The following LRRC53 variants were observed in gnomAD, a reference collection of about 807,000 sequenced individuals.
The protein encoded by LRRC53 is leucine-rich repeat-containing protein 53.
A neutral mutation model predicts 13.6 loss-of-function variants in LRRC53; 25 were observed. The observed-to-expected ratio is 1.83, with a 90% CI of 1.34 to 2.56. LRRC53 has a LOEUF of 2.56. Among genes scored for constraint, LRRC53 ranks in the 30% most tolerant of loss-of-function variants. The pLI, the probability that LRRC53 is intolerant of heterozygous loss-of-function variation, is 0.00. For missense variants in LRRC53, 527 were observed against 275.8 expected (o/e 1.91, Z -6.45); for synonymous variants, 204 against 109.8 (o/e 1.86, Z -5.37).
chr1:74,522,115 C>CT, the LRRC53 span, among the ~76,000 whole-genome samples: 2 of 152,046 alleles, frequency 1.3e-5, no homozygotes, highest in African/African-American at 2.4e-5. Context: ...AGGGATTGTT[C>CT]TTTTTAAAAA....
chr1:74,535,575 C>T, the LRRC53 span, among the ~76,000 whole-genome samples: 3 of 152,198 alleles, frequency 2.0e-5, no homozygotes, highest in Non-Finnish European at 4.4e-5. Flanking sequence ...GATCCCTCTA[C>T]AGCACCTGGA....
intron 1 of LRRC53, among the ~76,000 whole-genome samples, chr1:74,491,695 G>A (rs765024360): frequency 2.0e-5 from 3 of 152,244 alleles, no homozygotes; most frequent in Non-Finnish European, 4.4e-5. Flanking sequence ...TTTACATGAA[G>A]GGAATAATTT....
At chr1:74,474,614 G>C (rs1293222852) in intron 4 of LRRC53, among the ~76,000 whole-genome samples, 1 of 152,108 alleles carries the variant, frequency 6.6e-6, no homozygotes, top group Non-Finnish European at 1.5e-5. Context: ...CATTTTCACT[G>C]CTGAGCCTGA....
intron 2 of LRRC53, among the ~76,000 whole-genome samples, chr1:74,482,346 G>A (rs1209451361): frequency 2.6e-5 from 4 of 152,184 alleles, no homozygotes; most frequent in African/African-American, 9.7e-5. Context: ...ATGCAACAAT[G>A]TAGATGAGAA....
intron 1 of LRRC53, among the ~76,000 whole-genome samples, chr1:74,484,735 G>T (rs1668665872): frequency 6.6e-6 from 1 of 152,148 alleles, no homozygotes; most frequent in Admixed American, 6.5e-5. Context: ...AATCATAGGA[G>T]CAGGTTGTTG....
chr1:74,509,703 A>AAGGTACCT (rs1189170273), intron 1 of LRRC53, among the ~76,000 whole-genome samples: 1 of 148,904 alleles, frequency 6.7e-6, no homozygotes, highest in Non-Finnish European at 1.5e-5. Flanking sequence ...TTGATTTTGA[A>AAGGTACCT]AGGTACCTAT....
intron 1 of LRRC53, among the ~76,000 whole-genome samples, chr1:74,498,940 G>C (rs57824876): frequency 6.6e-6 from 1 of 151,988 alleles, no homozygotes; most frequent in African/African-American, 2.4e-5. Context: ...TTAATATGAC[G>C]CTTATTTTAG....
At chr1:74,472,677 T>C (rs1667997048) in intron 4 of LRRC53, among the ~76,000 whole-genome samples, 2 of 152,216 alleles carry the variant, frequency 1.3e-5, no homozygotes, top group South Asian at 4.1e-4. Context: ...ATACTTGCAA[T>C]ACTATTGACT....
intron 1 of LRRC53, among the ~76,000 whole-genome samples, chr1:74,486,277 C>T (rs1390674224): frequency 6.7e-6 from 1 of 148,914 alleles, no homozygotes; most frequent in Non-Finnish European, 1.5e-5. Flanking sequence ...ACTCACTCCC[C>T]TCCAGGATCT....
the LRRC53 span, among the ~76,000 whole-genome samples, chr1:74,521,487 AT>A: frequency 1.0e-4 from 6 of 57,598 alleles, no homozygotes; most frequent in South Asian, 1.7e-3. Flanking sequence ...ACACACACAC[AT>A]GTAAACGCAT....
chr1:74,505,421 A>T (rs1219504706), intron 1 of LRRC53, among the ~76,000 whole-genome samples: 1 of 152,234 alleles, frequency 6.6e-6, no homozygotes, highest in Admixed American at 6.5e-5. Context: ...CTATGTTCGC[A>T]GCAATAAGAA....
intron 3 of LRRC53, among the ~76,000 whole-genome samples, chr1:74,479,090 T>C (rs1228819977): frequency 6.6e-6 from 1 of 152,110 alleles, no homozygotes; most frequent in Non-Finnish European, 1.5e-5. Context: ...AGAATAATGA[T>C]TTATAGCACA....
rs1458743929 is a variant in LRRC53 at position 74,475,650 on chromosome 1, G to T, written c.1065C>A (p.Asn355Lys). ...ARNYHTKGYCNCHLTQENEIK... is the reference protein window; with the variant it reads ...ARNYHTKGYCKCHLTQENEIK... ...TCTCGTTTTCCTGAGTTAAGTGGCA[G>T]TTGCAGTATCCCTTAGTGTGGTAAT... Residue 355 changes from asparagine to lysine, a missense_variant, in exon 4 of 5, where the codon AAC becomes AAA. Asn to Lys is a moderately conservative substitution (Grantham distance 94). Transcript: ENST00000294635. 1 of 716,986 alleles carries T rather than the reference G, an allele frequency of 1.4e-6. No homozygotes were observed. The highest frequency in any genetic ancestry group is 2.0e-5 in the Admixed American group (1 of 49,956). 44.4% of individuals were successfully genotyped at this position (716,986 alleles called of 1,614,324 possible). A position where few individuals can be genotyped will look rare whatever the true frequency, so the allele number is the denominator to read the frequency against.
the LRRC53 span, among the ~76,000 whole-genome samples, chr1:74,531,671 T>G: frequency 6.6e-6 from 1 of 152,248 alleles, no homozygotes; most frequent in Admixed American, 6.5e-5. Flanking sequence ...AAGCTGTTTC[T>G]CCACCTTTTC....
At chr1:74,501,874 T>TTATA (rs367958004) in intron 1 of LRRC53, among the ~76,000 whole-genome samples, 133 of 149,758 alleles carry the variant, frequency 8.9e-4, no homozygotes, top group African/African-American at 2.9e-3. Context: ...CTTCTGAGGG[T>TTATA]TATATATATA....
chr1:74,475,903 G>T (rs1019364612), intron 3 of LRRC53, 93 bp from the exon 4 acceptor site: 3 of 499,964 alleles, frequency 6.0e-6, no homozygotes, highest in Non-Finnish European at 1.1e-5. Context: ...AAGGTTAATG[G>T]CTTGAAAGAT....
chr1:74,514,552 A>G (rs1256530250), upstream of LRRC53, among the ~76,000 whole-genome samples: 1 of 152,198 alleles, frequency 6.6e-6, no homozygotes, highest in Non-Finnish European at 1.5e-5. Context: ...TATTAATATA[A>G]TATCCCCAAT....
At chr1:74,513,730 A>AT (rs1439887811), upstream of LRRC53, among the ~76,000 whole-genome samples, 1 of 152,198 alleles carries the variant, frequency 6.6e-6, no homozygotes, top group Non-Finnish European at 1.5e-5. Flanking sequence ...AGAGAGAAAT[A>AT]TTTTTTGGAA....
intron 1 of LRRC53, among the ~76,000 whole-genome samples, chr1:74,501,403 C>A (rs143384210): frequency 4.4e-4 from 67 of 152,260 alleles, no homozygotes; most frequent in African/African-American, 1.5e-3. Context: ...TTTCTTCAAA[C>A]GAATTTTATC....
Sources: allele counts gnomAD v4.1 joint callset (sites outside exome capture counted in the v4.1 genomes callset), GRCh38; gene constraint gnomAD v4.1.1; transcripts MANE v1.5; gene names NCBI Gene and HGNC (gene_info 2026-07-23, HGNC 2026-07-21).